Variants in LITAF observed in about 807,000 individuals in gnomAD.
The protein encoded by LITAF is lipopolysaccharide induced TNF factor, also known as lipopolysaccharide-induced tumor necrosis factor-alpha factor.
A neutral mutation model predicts 14.5 loss-of-function variants in LITAF; 9 were observed. The ratio of observed to expected loss-of-function variants is 0.62; its 90% CI spans 0.37 to 1.08. The LOEUF is 1.08. Ranked by LOEUF, LITAF falls within the 50% of genes least tolerant of loss-of-function variation. LITAF has a pLI of 0.01. For missense variants in LITAF, 206 were observed against 213.4 expected (o/e 0.97, Z 0.22); for synonymous variants, 98 against 88.2 (o/e 1.11, Z -0.62).
At chr16:11,637,062 T>G (rs1422297977), upstream of LITAF, among the ~76,000 whole-genome samples, 1 of 152,128 alleles carries the variant, frequency 6.6e-6, no homozygotes, top group Non-Finnish European at 1.5e-5. Flanking sequence ...AGCTAATTTT[T>G]GTATTTTTAG....
At chr16:11,560,765 G>A (rs1403030400) in intron 1 of LITAF, among the ~76,000 whole-genome samples, 1 of 152,188 alleles carries the variant, frequency 6.6e-6, no homozygotes. Context: ...AAGAAGCAAA[G>A]TAGAGAAGGC....
Position 11,634,276 on chromosome 16 carries a change from A to C in LITAF, c.-20-639T>G, listed in dbSNP as rs28396436. 0.054 allele frequency among the ~76,000 whole-genome samples: 8,183 copies of C among 152,274 alleles called. 753 individuals carry two copies. Among genetic ancestry groups the C allele is most frequent in the African/African-American group, 0.19 (7,762 of 41,514 alleles). On this transcript the variant is annotated intron_variant, in intron 2 of 3. Coordinates refer to the LITAF transcript ENST00000574848. The surrounding 1 kb of genome is among the most constrained non-coding windows in gnomAD (Gnocchi z 4.1). ...CTTCATCATTCCTGGACTTGGGCCAAACTAACTCTGGGGAACATTTAGTTT... is the reference window on the plus strand; with the variant it reads ...CTTCATCATTCCTGGACTTGGGCCACACTAACTCTGGGGAACATTTAGTTT...
intron 1 of LITAF, among the ~76,000 whole-genome samples, chr16:11,583,955 A>G (rs1597358784): frequency 6.6e-6 from 1 of 152,216 alleles, no homozygotes; most frequent in African/African-American, 2.4e-5. Context: ...GCCAAGGGAC[A>G]ACTTCATTAG....
At chr16:11,597,473 T>C (rs1290962634) in intron 1 of LITAF, among the ~76,000 whole-genome samples, 2 of 152,036 alleles carry the variant, frequency 1.3e-5, no homozygotes, top group Non-Finnish European at 2.9e-5. Context: ...AAGGGAAATA[T>C]TATCATCTCC....
intron 3 of LITAF, among the ~76,000 whole-genome samples, chr16:11,552,868 C>T (rs760127784): frequency 6.6e-6 from 1 of 151,936 alleles, no homozygotes; most frequent in African/African-American, 2.4e-5. Flanking sequence ...AATCCCAGCA[C>T]TTTGGGAGGC....
chr16:11,609,270 G>A (rs766799524), intron 3 of LITAF, among the ~76,000 whole-genome samples: 39 of 151,266 alleles, frequency 2.6e-4, no homozygotes, highest in Non-Finnish European at 4.7e-4. Context: ...GGAGTGCAGT[G>A]GCGAGATCTC....
intron 3 of LITAF, among the ~76,000 whole-genome samples, chr16:11,617,581 C>G (rs1180150471): frequency 6.6e-6 from 1 of 151,844 alleles, no homozygotes; most frequent in Non-Finnish European, 1.5e-5. Context: ...CTCACACCAC[C>G]ACGCCCAGCT....
rs544778207 is a variant in LITAF at position 11,634,948 on chromosome 16, C to T, written c.-21+877G>A. Among the ~76,000 whole-genome samples, 12 of 152,100 alleles carry T rather than the reference C, an allele frequency of 7.9e-5. No homozygotes were observed. Among genetic ancestry groups the T allele is most frequent in the African/African-American group, 2.9e-4 (12 of 41,492 alleles). ...ATTTGGGAGGCTGAGGCAGGAGAAT[C>T]GATTGAACCCGGGAAGCGGAGGTTG... On this transcript the variant is annotated intron_variant, in intron 2 of 3. Coordinates refer to the LITAF transcript ENST00000574848. This position sits in a 1 kb window ranked among gnomAD's most constrained non-coding sequence, Gnocchi z 4.1.
intron 3 of LITAF, among the ~76,000 whole-genome samples, chr16:11,615,598 G>A (rs1313981891): frequency 6.6e-6 from 1 of 152,192 alleles, no homozygotes; most frequent in African/African-American, 2.4e-5. Flanking sequence ...TACTCAGGAG[G>A]TGGAGGTTGC....
intron 3 of LITAF, among the ~76,000 whole-genome samples, chr16:11,612,610 G>T (rs2064989153): frequency 6.6e-6 from 1 of 152,210 alleles, no homozygotes. Context: ...TGGATGGAAA[G>T]TTAACAAGGC....
chr16:11,638,701 C>CAA (rs57170972), upstream of LITAF, among the ~76,000 whole-genome samples: 208 of 75,942 alleles, frequency 2.7e-3, 21 homozygotes, highest in Non-Finnish European at 4.0e-3. Flanking sequence ...GACTCTGTCT[C>CAA]AAAAAAAAAA....
chr16:11,635,206 G>T (rs529305527), intron 2 of LITAF, among the ~76,000 whole-genome samples: 1 of 152,192 alleles, frequency 6.6e-6, no homozygotes. Flanking sequence ...AATCTATTAG[G>T]TGGTTATACG....
chr16:11,603,301 A>G (rs2064938053), upstream of LITAF, among the ~76,000 whole-genome samples: 1 of 152,310 alleles, frequency 6.6e-6, no homozygotes, highest in East Asian at 1.9e-4. Context: ...AGAAAAAATA[A>G]ACTTCCCTGC....
chr16:11,637,342 G>A (rs1430515440), upstream of LITAF, among the ~76,000 whole-genome samples: 1 of 152,236 alleles, frequency 6.6e-6, no homozygotes, highest in Non-Finnish European at 1.5e-5. Context: ...AGCCACAGTA[G>A]AGTGGTCCAG....
chr16:11,609,735 G>A (rs1415912940), intron 3 of LITAF, among the ~76,000 whole-genome samples: 2 of 152,206 alleles, frequency 1.3e-5, no homozygotes, highest in South Asian at 2.1e-4. Context: ...TCAAGGGACC[G>A]TAAACATTTG....
At chr16:11,604,279 C>T (rs1469458600) in intron 3 of LITAF, among the ~76,000 whole-genome samples, 1 of 152,198 alleles carries the variant, frequency 6.6e-6, no homozygotes, top group Non-Finnish European at 1.5e-5. Context: ...CTTGGAACTA[C>T]ATTCACTGAA....
chr16:11,610,422 T>C (rs2064976453), intron 3 of LITAF, among the ~76,000 whole-genome samples: 1 of 152,090 alleles, frequency 6.6e-6, no homozygotes, highest in Non-Finnish European at 1.5e-5. Context: ...GAAATCTTTA[T>C]TCTGGTCCTT....
At chr16:11,620,229 G>T (rs1460008534) in intron 3 of LITAF, among the ~76,000 whole-genome samples, 1 of 152,044 alleles carries the variant, frequency 6.6e-6, no homozygotes, top group Non-Finnish European at 1.5e-5. Context: ...TGTTGGAGGT[G>T]GGGCCTGGTG....
At chr16:11,559,956 C>T (rs1340781091) in intron 1 of LITAF, among the ~76,000 whole-genome samples, 1 of 151,864 alleles carries the variant, frequency 6.6e-6, no homozygotes, top group African/African-American at 2.4e-5. Context: ...CCACTGCACT[C>T]CAGCCTGGGC....
Sources: gnomAD v4.1 joint callset for allele counts (sites outside exome capture counted in the v4.1 genomes callset) on GRCh38, gnomAD v4.1.1 for gene constraint, Gnocchi (gnomAD v3.1) non-coding constraint, MANE v1.5 for transcripts, NCBI Gene and HGNC (gene_info 2026-07-23, HGNC 2026-07-21) for gene names.